Variants in GRIN2B observed in about 807,000 individuals in gnomAD.
The protein encoded by GRIN2B is glutamate ionotropic receptor NMDA type subunit 2B.
In GRIN2B, 5 loss-of-function variants were observed where a neutral mutation model predicts 114.5. That is an observed-to-expected ratio of 0.04 (90% CI 0.02 to 0.09). The LOEUF (loss-of-function observed/expected upper bound fraction) is 0.09, where lower values mean the gene tolerates loss of function less well. GRIN2B is among the 10% of genes least tolerant of loss of function. GRIN2B has a pLI of 1.00. For missense variants in GRIN2B, 1,108 were observed against 1,943.5 expected (o/e 0.57, Z 8.08); for synonymous variants, 787 against 745.1 (o/e 1.06, Z -0.92).
At chr12:13,676,487 T>C (rs925160007) in intron 4 of GRIN2B, among the ~76,000 whole-genome samples, 3 of 152,152 alleles carry the variant, frequency 2.0e-5, no homozygotes, top group African/African-American at 7.2e-5. Context: ...ACCTACTTCA[T>C]TAGGTTTGTA....
intron 2 of GRIN2B, among the ~76,000 whole-genome samples, chr12:13,940,146 A>C (rs947307969): frequency 5.3e-5 from 8 of 152,262 alleles, no homozygotes; most frequent in African/African-American, 9.6e-5. Flanking sequence ...AGTGAAACCA[A>C]GACTTAAATA....
At chr12:13,861,903 G>A (rs533484359) in intron 3 of GRIN2B, among the ~76,000 whole-genome samples, 136 of 152,224 alleles carry the variant, frequency 8.9e-4, no homozygotes, top group African/African-American at 3.1e-3. Context: ...TGAATGTTAG[G>A]CTGGACACTT....
At chr12:13,703,425 A>G (rs1950329578) in intron 4 of GRIN2B, among the ~76,000 whole-genome samples, 1 of 152,208 alleles carries the variant, frequency 6.6e-6, no homozygotes, top group Non-Finnish European at 1.5e-5. Context: ...AAGAAAAATA[A>G]TAATAATTTC....
intron 3 of GRIN2B, among the ~76,000 whole-genome samples, chr12:13,849,690 C>T (rs188495285): frequency 2.0e-5 from 3 of 152,250 alleles, no homozygotes; most frequent in East Asian, 1.9e-4. Context: ...TCTCACTCAT[C>T]CATCCCACCT....
At chr12:13,913,967 A>C (rs1194249944) in intron 2 of GRIN2B, among the ~76,000 whole-genome samples, 3 of 152,210 alleles carry the variant, frequency 2.0e-5, no homozygotes, top group Non-Finnish European at 4.4e-5. Context: ...CACGTACAAC[A>C]GCACCTGCTA....
chr12:13,924,420 G>A (rs1866880429), intron 2 of GRIN2B, among the ~76,000 whole-genome samples: 2 of 152,202 alleles, frequency 1.3e-5, no homozygotes, highest in Non-Finnish European at 1.5e-5. Context: ...AGAAAGGTGA[G>A]GGAGCTGCTA....
At chr12:13,825,593 T>TGCAA (rs1239278688) in intron 3 of GRIN2B, among the ~76,000 whole-genome samples, 2 of 148,500 alleles carry the variant, frequency 1.3e-5, no homozygotes, top group African/African-American at 4.9e-5. Flanking sequence ...GTCGGCTCAC[T>TGCAA]GCAACCTCCA....
In GRIN2B at chr12:13,815,624, A is replaced by G. The variant is rs1032931018; in HGVS notation, c.411+50174T>C. On this transcript the variant is annotated intron_variant, in intron 3 of 13. Coordinates refer to ENST00000609686, the MANE Select transcript of GRIN2B (RefSeq NM_000834.5). ...GGACTTTGGGGAGTGTTTCTATGTA[A>G]TAAGAGAATCAGAGAAGTTTAAAAA... is the stretch of plus-strand genomic sequence containing the variant. 5.3e-5 allele frequency among the ~76,000 whole-genome samples: 8 copies of G among 152,314 alleles called. No individual in the cohort carries two copies. The East Asian group carries it at 1.5e-3, about 29-fold the overall frequency.
At chr12:13,771,538 T>C (rs1384687681) in intron 3 of GRIN2B, among the ~76,000 whole-genome samples, 1 of 152,196 alleles carries the variant, frequency 6.6e-6, no homozygotes, top group Non-Finnish European at 1.5e-5. Flanking sequence ...TCTGAATACT[T>C]AGCTGTGTGA....
intron 5 of GRIN2B, among the ~76,000 whole-genome samples, chr12:13,642,652 C>G (rs376915512): frequency 6.6e-6 from 1 of 152,112 alleles, no homozygotes; most frequent in South Asian, 2.1e-4. Flanking sequence ...AATTCATTTG[C>G]CAAAAATGCA....
intron 4 of GRIN2B, chr12:13,683,518 G>A (rs577778629): frequency 1.3e-5 from 2 of 152,560 alleles, no homozygotes; most frequent in South Asian, 4.1e-4. Context: ...TCATAGGATT[G>A]TTGTGTTTCG....
chr12:13,776,739 T>C (rs1373191596), intron 3 of GRIN2B, among the ~76,000 whole-genome samples: 1 of 151,564 alleles, frequency 6.6e-6, no homozygotes, highest in Non-Finnish European at 1.5e-5. Context: ...ACCTTTCAGA[T>C]AAAAAGATGA....
chr12:13,960,668 G>C (rs1040439449), intron 2 of GRIN2B, among the ~76,000 whole-genome samples: 25 of 152,152 alleles, frequency 1.6e-4, no homozygotes, highest in African/African-American at 4.1e-4. Flanking sequence ...ATCAGTAAAG[G>C]TTTTAGGGTG....
rs147852793 is a variant in GRIN2B at position 13,678,685 on chromosome 12, T to C, written c.1011-2826A>G. Among the ~76,000 whole-genome samples the C allele has an allele frequency of 2.2e-4, 33 of 152,144 alleles. No individual in the cohort carries two copies. The East Asian group carries it at 3.9e-3, about 18-fold the overall frequency. On this transcript the variant is annotated intron_variant, in intron 4 of 13. Coordinates refer to ENST00000609686, the MANE Select transcript of GRIN2B (RefSeq NM_000834.5). ...TCCTCAGCTCTCAGCCCAGAGCGGC[T>C]CACCCAAGCCCATCATTAGTGTGAA...
chr12:13,911,373 G>A (rs1462701280), intron 2 of GRIN2B, among the ~76,000 whole-genome samples: 1 of 152,156 alleles, frequency 6.6e-6, no homozygotes, highest in Non-Finnish European at 1.5e-5. Flanking sequence ...GGATGTGGAG[G>A]TCTGGAGAAG....
intron 10 of GRIN2B, among the ~76,000 whole-genome samples, chr12:13,583,639 G>A (rs1273072073): frequency 6.6e-6 from 1 of 152,126 alleles, no homozygotes; most frequent in Non-Finnish European, 1.5e-5. Context: ...AAAAGGATAT[G>A]GTTGGGGAGG....
rs1948280087 is a variant in GRIN2B, at chr12:13,541,545, A to G, written c.*21238T>C. The G allele has an allele frequency of 1.3e-5, 2 of 152,346 alleles. No individual in the cohort carries two copies. The highest frequency in any genetic ancestry group is 1.3e-4 in the Admixed American group (2 of 15,302). 9.4% of individuals were successfully genotyped at this position (152,346 alleles called of 1,614,324 possible). On this transcript the variant is annotated 3_prime_UTR_variant, in exon 14 of 14. Coordinates refer to ENST00000609686, the MANE Select transcript of GRIN2B (RefSeq NM_000834.5). ...CCTCTTCCTTCCTAAATAGAGTTTA[A>G]TGCGTACTCAGTGCATAAAGTAAGG...
At chr12:13,959,254 G>T (rs1333630004) in intron 2 of GRIN2B, among the ~76,000 whole-genome samples, 1 of 152,194 alleles carries the variant, frequency 6.6e-6, no homozygotes, top group African/African-American at 2.4e-5. Flanking sequence ...ACACTCTAAG[G>T]TGTAGAGACA....
chr12:13,908,278 A>C (rs188470555), intron 2 of GRIN2B, among the ~76,000 whole-genome samples: 7 of 152,270 alleles, frequency 4.6e-5, no homozygotes, highest in African/African-American at 1.7e-4. Context: ...CTCAGTTATA[A>C]TGGGAAATCC....
Sources: gnomAD v4.1 joint callset for allele counts (sites outside exome capture counted in the v4.1 genomes callset) on GRCh38, gnomAD v4.1.1 for gene constraint, MANE v1.5 for transcripts, NCBI Gene and HGNC (gene_info 2026-07-23, HGNC 2026-07-21) for gene names.